Variants in AACS observed in about 807,000 individuals in gnomAD.
AACS encodes acetoacetate-CoA ligase.
AACS carries 69 observed loss-of-function variants against 83.1 expected under a neutral mutation model. That is an observed-to-expected ratio of 0.83 (90% CI 0.68 to 1.01). AACS has a LOEUF of 1.01. AACS is among the 50% of genes least tolerant of loss of function. The pLI, the probability that AACS is intolerant of heterozygous loss-of-function variation, is 0.00. For missense variants in AACS, 866 were observed against 882.2 expected (o/e 0.98, Z 0.23); for synonymous variants, 333 against 343.4 (o/e 0.97, Z 0.33).
intron 1 of AACS, among the ~76,000 whole-genome samples, chr12:125,069,229 C>T (rs1035044841): frequency 6.6e-6 from 1 of 152,204 alleles, no homozygotes; most frequent in African/African-American, 2.4e-5. Context: ...AGCCTGTATA[C>T]AGTATGGGGC....
intron 3 of AACS, among the ~76,000 whole-genome samples, chr12:125,082,843 A>G (rs975953437): frequency 6.6e-6 from 1 of 152,170 alleles, no homozygotes; most frequent in Non-Finnish European, 1.5e-5. Context: ...ACACACACAC[A>G]CACACAAAGA....
At chr12:125,141,945 TG>T in intron 17 of AACS, 146 bp from the exon 18 acceptor site, 1 of 949,732 alleles carries the variant, frequency 1.1e-6, no homozygotes, top group Non-Finnish European at 1.6e-6. Context: ...GCAGACCTGG[TG>T]GGAAGAGGGG....
intron 5 of AACS, among the ~76,000 whole-genome samples, chr12:125,100,288 A>G (rs1197421210): frequency 6.6e-6 from 1 of 152,200 alleles, no homozygotes; most frequent in Non-Finnish European, 1.5e-5. Context: ...TGGAAAAATG[A>G]TTTTTGGTTT....
intron 12 of AACS, chr12:125,126,639 T>A (rs1476086602): frequency 6.6e-6 from 1 of 151,404 alleles, no homozygotes; most frequent in African/African-American, 2.4e-5. Flanking sequence ...GAGTGCACAC[T>A]GACACGATCA....
intron 5 of AACS, among the ~76,000 whole-genome samples, chr12:125,091,948 C>A (rs1956495443): frequency 6.6e-6 from 1 of 152,304 alleles, no homozygotes; most frequent in Middle Eastern, 3.4e-3. Flanking sequence ...TCTGCTGTTA[C>A]CAGCCCCTTC....
intron 9 of AACS, chr12:125,117,988 GAAA>G: frequency 6.9e-6 from 1 of 144,392 alleles, no homozygotes; most frequent in Non-Finnish European, 1.5e-5. Flanking sequence ...TGTTTCAGGG[GAAA>G]AAAAAAAAAA....
intron 4 of AACS, among the ~76,000 whole-genome samples, chr12:125,087,156 G>A (rs756757876): frequency 3.9e-5 from 6 of 152,120 alleles, no homozygotes; most frequent in Non-Finnish European, 8.8e-5. Flanking sequence ...CCGTTCTGAC[G>A]CCCTTCCCGC....
chr12:125,100,979 G>C (rs1176592453), intron 5 of AACS: 1 of 152,272 alleles, frequency 6.6e-6, no homozygotes, highest in African/African-American at 2.4e-5. Flanking sequence ...GAGAGCCTGT[G>C]CTGTGAAGTC....
chr12:125,139,701 A>C (rs1476937372), intron 17 of AACS: 1 of 152,404 alleles, frequency 6.6e-6, no homozygotes, highest in Non-Finnish European at 1.5e-5. Flanking sequence ...CTGTTTGAAC[A>C]GTGTCCTGGC....
At position 125,130,433 on chromosome 12, in the gene AACS, A is replaced by T. The variant is rs1957314793; in HGVS notation, c.1549+973A>T. 6.6e-6 allele frequency among the ~76,000 whole-genome samples: 1 copy of T among 152,196 alleles called. No individual in the cohort carries two copies. Among genetic ancestry groups the T allele is most frequent in the Non-Finnish European group, 1.5e-5 (1 of 68,032 alleles). On this transcript the variant is annotated intron_variant, in intron 14 of 17. Transcript: ENST00000316519. This position sits in a 1 kb window ranked among gnomAD's most constrained non-coding sequence, Gnocchi z 4.9. ...AAAGCAAGAGTGGATGTAGAGAAAC[A>T]CTCATCAGATGACCCTGAAGAGGAG...
At chr12:125,101,591 C>A (rs1201740125) in intron 5 of AACS, 1 of 152,132 alleles carries the variant, frequency 6.6e-6, no homozygotes, top group Non-Finnish European at 1.5e-5. Flanking sequence ...ACTAGCAGAG[C>A]TGTGCTAACA....
rs367903759 is a variant in AACS at position 125,114,908 on chromosome 12, T to C, written c.996+351T>C. ...ACATGGTAAGGGCTTCCCCGGGCGC[T>C]GGCCCGTGACACATGGTAAGGGCTT... On this transcript the variant is annotated intron_variant, in intron 9 of 17. Transcript: ENST00000316519. 4.6e-3 allele frequency among the ~76,000 whole-genome samples: 574 copies of C among 125,858 alleles called. 4 individuals are homozygous for C. The highest frequency in any genetic ancestry group is 0.011 in the South Asian group (42 of 3,702). 82.6% of individuals were successfully genotyped at this position (125,858 alleles called of 152,430 possible). A position where few individuals can be genotyped will look rare whatever the true frequency, so the allele number is the denominator to read the frequency against.
At position 125,065,458 on chromosome 12, in the gene AACS, C is replaced by G. The variant is rs939597492; in HGVS notation, c.-127C>G. On this transcript the variant is annotated 5_prime_UTR_variant, in exon 1 of 18. Transcript: ENST00000316519. The stretch of plus-strand genomic sequence containing the variant: ...TCAGTCCCTTGTTCCCCGCCGCCGC[C>G]GTCGCTGACCCAGCCCGCCAGGCGC... 1 of 1,065,840 alleles carries G rather than the reference C, an allele frequency of 9.4e-7. No homozygotes were observed. Among genetic ancestry groups the G allele is most frequent in the Non-Finnish European group, 1.2e-6 (1 of 802,648 alleles). 66.0% of individuals were successfully genotyped at this position (1,065,840 alleles called of 1,614,324 possible).
At position 125,085,106 on chromosome 12, in the gene AACS, T is replaced by C. The variant is rs114847960; in HGVS notation, c.359-1224T>C. Among the ~76,000 whole-genome samples the C allele has an allele frequency of 1.1e-3, 169 of 152,296 alleles. 1 individual carries two copies. The highest frequency in any genetic ancestry group is 4.0e-3 in the African/African-American group (167 of 41,556). On this transcript the variant is annotated intron_variant, in intron 3 of 17. Coordinates refer to ENST00000316519, the MANE Select transcript of AACS (RefSeq NM_023928.5). ...GTGGTGTAGGGGTCAGGGATGACTA[T>C]AAAGGGGCAACAGGAGGGAAGGGTT...
chr12:125,068,297 A>G (rs1366627106), intron 1 of AACS, among the ~76,000 whole-genome samples: 1 of 152,170 alleles, frequency 6.6e-6, no homozygotes, highest in African/African-American at 2.4e-5. Context: ...ATCTCTACGA[A>G]AAATACAAAA....
chr12:125,114,910 G>C (rs941852455), intron 9 of AACS, among the ~76,000 whole-genome samples: 2 of 151,908 alleles, frequency 1.3e-5, no homozygotes, highest in Non-Finnish European at 2.9e-5. Flanking sequence ...CCGGGCGCTG[G>C]CCCGTGACAC....
intron 12 of AACS, chr12:125,127,412 T>C (rs1160916412): frequency 3.3e-5 from 5 of 152,212 alleles, no homozygotes; most frequent in Non-Finnish European, 7.3e-5. Context: ...AAAATCACAC[T>C]CCACAATCTT....
chr12:125,081,249 C>T (rs985903531), intron 3 of AACS, among the ~76,000 whole-genome samples: 32 of 152,218 alleles, frequency 2.1e-4, no homozygotes, highest in African/African-American at 7.0e-4. Flanking sequence ...CCGCCTCAGC[C>T]TCTGAAAGTG....
Position 125,065,617 on chromosome 12 carries a change from G to C in AACS, c.33G>C (p.Glu11Asp). 6.5e-7 allele frequency: 1 copy of C among 1,539,492 alleles called. No homozygotes were observed. The highest frequency in any genetic ancestry group is 1.2e-5 in the South Asian group (1 of 82,782). ...AGGAGGAGCGCCCCGGTCGGGAGGAGATCCTGGAGTGCCAGGTGATGTGGG... is the reference window on the plus strand; with the variant it reads ...AGGAGGAGCGCCCCGGTCGGGAGGACATCCTGGAGTGCCAGGTGATGTGGG... MSKEERPGRE[E>D]ILECQVMWEP... The change falls in exon 1 of 18, where the codon GAG becomes GAC. Residue 11 changes from glutamate (E) to aspartate (D), a missense_variant. Glu to Asp is a conservative substitution (Grantham distance 45, BLOSUM62 2). Transcript: ENST00000316519.
Sources: allele counts gnomAD v4.1 joint callset (sites outside exome capture counted in the v4.1 genomes callset), GRCh38; gene constraint gnomAD v4.1.1; non-coding constraint Gnocchi (gnomAD v3.1); transcripts MANE v1.5; gene names NCBI Gene and HGNC (gene_info 2026-07-23, HGNC 2026-07-21).